The following EPHA5 variants were observed in gnomAD, a reference collection of about 807,000 sequenced individuals.
The protein encoded by EPHA5 is EPH receptor A5.
In EPHA5, 60 loss-of-function variants were observed where a neutral mutation model predicts 105.0. That is an observed-to-expected ratio of 0.57 (90% confidence interval 0.46 to 0.71). The LOEUF (loss-of-function observed/expected upper bound fraction) is 0.71. EPHA5 is among the 30% of genes least tolerant of loss of function. The probability of loss-of-function intolerance (pLI) is 0.00; values close to 1 mark genes in which losing one functional copy is unlikely to be tolerated. For synonymous variants in EPHA5, 513 were observed against 449.1 expected (o/e 1.14, Z -1.80); for missense variants, 1,218 against 1,274.7 (o/e 0.96, Z 0.68).
intron 8 of EPHA5, among the ~76,000 whole-genome samples, chr4:65,397,820 A>ATGT (rs754198526): frequency 1.8e-4 from 28 of 152,084 alleles, no homozygotes; most frequent in Non-Finnish European, 3.8e-4. Context: ...TCCCCAGAAA[A>ATGT]ATGCCCCCTA....
intron 3 of EPHA5, among the ~76,000 whole-genome samples, chr4:65,527,803 G>C (rs1435531477): frequency 6.6e-6 from 1 of 151,868 alleles, no homozygotes; most frequent in East Asian, 1.9e-4. Context: ...TATTAAGCCC[G>C]GTGTCCACTA....
intron 2 of EPHA5, among the ~76,000 whole-genome samples, chr4:65,636,708 T>G (rs1747151471): frequency 6.6e-6 from 1 of 152,174 alleles, no homozygotes; most frequent in Non-Finnish European, 1.5e-5. Flanking sequence ...TGTCGCTAAC[T>G]ACTTAAGTGA....
intron 5 of EPHA5, among the ~76,000 whole-genome samples, chr4:65,486,363 A>C (rs1280457614): frequency 6.6e-6 from 1 of 151,642 alleles, no homozygotes; most frequent in Non-Finnish European, 1.5e-5. Flanking sequence ...TACCACATCC[A>C]AGTGCGTGTT....
At chr4:65,586,667 A>AAT (rs1231422912) in intron 3 of EPHA5, among the ~76,000 whole-genome samples, 1 of 152,020 alleles carries the variant, frequency 6.6e-6, no homozygotes, top group African/African-American at 2.4e-5. Flanking sequence ...TCTCAAAGCT[A>AAT]ATATATATTT....
intron 11 of EPHA5, 87 bp from the exon 12 acceptor site, chr4:65,353,190 G>T: frequency 2.7e-6 from 1 of 364,812 alleles, no homozygotes; most frequent in Non-Finnish European, 4.7e-6. Flanking sequence ...TTTTATTAGT[G>T]TCAAAATTGT....
chr4:65,507,224 A>G (rs1733128077), intron 3 of EPHA5, among the ~76,000 whole-genome samples: 1 of 152,028 alleles, frequency 6.6e-6, no homozygotes, highest in Non-Finnish European at 1.5e-5. Flanking sequence ...CCATTGGTCT[A>G]TATCTCTGTT....
chr4:65,398,309 C>T (rs1461249008), intron 8 of EPHA5, among the ~76,000 whole-genome samples: 1 of 152,166 alleles, frequency 6.6e-6, no homozygotes, highest in Non-Finnish European at 1.5e-5. Flanking sequence ...TCCCCTGTCA[C>T]CTTGGCTCCC....
chr4:65,438,689 C>G (rs772329241), intron 5 of EPHA5, among the ~76,000 whole-genome samples: 1 of 151,560 alleles, frequency 6.6e-6, no homozygotes, highest in Non-Finnish European at 1.5e-5. Flanking sequence ...GAGAGATATA[C>G]CATAGGGACT....
At chr4:65,363,553 G>C (rs528603653) in intron 11 of EPHA5, among the ~76,000 whole-genome samples, 1 of 151,514 alleles carries the variant, frequency 6.6e-6, no homozygotes, top group East Asian at 1.9e-4. Context: ...CATTTACCCT[G>C]GGGTAACGGG....
At chr4:65,411,065 C>T (rs747330581) in intron 7 of EPHA5, among the ~76,000 whole-genome samples, 4 of 151,828 alleles carry the variant, frequency 2.6e-5, no homozygotes, top group African/African-American at 4.8e-5. Context: ...TTTATCACTG[C>T]TGTTGAGAAT....
intron 2 of EPHA5, among the ~76,000 whole-genome samples, chr4:65,611,792 G>C (rs1262691507): frequency 2.0e-5 from 3 of 151,496 alleles, no homozygotes; most frequent in African/African-American, 7.3e-5. Flanking sequence ...TTTTTTGTTG[G>C]AAAACAGCCA....
intron 14 of EPHA5, among the ~76,000 whole-genome samples, chr4:65,346,445 T>C (rs1314248766): frequency 6.7e-6 from 1 of 149,832 alleles, no homozygotes; most frequent in East Asian, 1.9e-4. Context: ...AAAATTTTTC[T>C]TCTATTATTT....
chr4:65,505,506 T>C (rs186169867), intron 3 of EPHA5, among the ~76,000 whole-genome samples: 2 of 152,200 alleles, frequency 1.3e-5, no homozygotes, highest in East Asian at 1.9e-4. Context: ...TAAATGACTT[T>C]TAAATTTTAA....
chr4:65,651,322 A>G (rs901903591), intron 1 of EPHA5, among the ~76,000 whole-genome samples: 3 of 152,198 alleles, frequency 2.0e-5, no homozygotes, highest in African/African-American at 7.2e-5. Flanking sequence ...TATGTGGGAA[A>G]AATCAATGTT....
intron 3 of EPHA5, among the ~76,000 whole-genome samples, chr4:65,575,537 C>A (rs763117707): frequency 7.9e-5 from 12 of 152,116 alleles, no homozygotes; most frequent in Non-Finnish European, 1.8e-4. Flanking sequence ...ATAAATGTTG[C>A]CATTTCACCT....
At position 65,536,346 on chromosome 4, in the gene EPHA5, A is replaced by AT. The variant is rs35064641; in HGVS notation, c.911-40804dup. Among the ~76,000 whole-genome samples the AT allele has an allele frequency of 8.5e-5, 13 of 152,070 alleles. No individual in the cohort carries two copies. The South Asian group carries it at 2.7e-3, about 31-fold the overall frequency. ...CTTGTAATCGTTCCTTTATTTAAAC[A>AT]TTTTTAAAAATCACCGCATTTAACA... On this transcript the variant is annotated intron_variant, in intron 3 of 16. Transcript: ENST00000613740.
chr4:65,599,387 G>T (rs1006525070), intron 3 of EPHA5, among the ~76,000 whole-genome samples: 1 of 121,632 alleles, frequency 8.2e-6, no homozygotes, highest in East Asian at 3.0e-4. Flanking sequence ...TCATTTACAT[G>T]TACTTATTGT....
chr4:65,625,424 C>A (rs1746047507), intron 2 of EPHA5, among the ~76,000 whole-genome samples: 1 of 152,128 alleles, frequency 6.6e-6, no homozygotes, highest in Non-Finnish European at 1.5e-5. Context: ...CAGGCAGATA[C>A]AATCATACAG....
chr4:65,350,931 A>G (rs572073640), intron 13 of EPHA5, among the ~76,000 whole-genome samples: 2 of 152,074 alleles, frequency 1.3e-5, no homozygotes, highest in South Asian at 4.2e-4. Context: ...TATTTATTTT[A>G]CAAGTAAGGA....
Sources: allele counts gnomAD v4.1 joint callset (sites outside exome capture counted in the v4.1 genomes callset), GRCh38; gene constraint gnomAD v4.1.1; transcripts MANE v1.5; gene names NCBI Gene and HGNC (gene_info 2026-07-23, HGNC 2026-07-21).